Variants in DDAH1 observed in about 807,000 individuals in gnomAD.
The protein encoded by DDAH1 is dimethylarginine dimethylaminohydrolase 1, also known as N(G),N(G)-dimethylarginine dimethylaminohydrolase 1.
DDAH1 carries 19 observed loss-of-function variants against 28.8 expected under a neutral mutation model. The observed-to-expected ratio is 0.66, with a 90% CI of 0.46 to 0.97. The LOEUF is 0.97. DDAH1 is among the 50% of genes least tolerant of loss of function. The pLI, the probability that DDAH1 is intolerant of heterozygous loss-of-function variation, is 0.00. For synonymous variants in DDAH1, 153 were observed against 154.4 expected, an observed-to-expected ratio of 0.99 and a Z score of 0.07; for missense variants, 326 against 375.9, an observed-to-expected ratio of 0.87 and a Z score of 1.10.
rs527785259 is a variant in DDAH1 at position 85,529,477 on chromosome 1, T to C, written c.-122-33196A>G. ...CAGACTGTTCTAATAAGAATGACCCTTTGAGAATCTCCTTTTTGGACTGGC... is the reference window on the plus strand; with the variant it reads ...CAGACTGTTCTAATAAGAATGACCCCTTGAGAATCTCCTTTTTGGACTGGC... On this transcript the variant is annotated intron_variant, in intron 1 of 6. Transcript: ENST00000426972. Among the ~76,000 whole-genome samples the C allele has an allele frequency of 4.6e-5, 7 of 151,602 alleles. No homozygotes were observed. The South Asian group carries it at 1.5e-3, about 32-fold the overall frequency.
At chr1:85,526,655 G>C (rs1425156152) in intron 1 of DDAH1, among the ~76,000 whole-genome samples, 1 of 148,256 alleles carries the variant, frequency 6.7e-6, no homozygotes, top group Non-Finnish European at 1.5e-5. Flanking sequence ...TGGGAAGAAG[G>C]GGGTAAAGAG....
intron 1 of DDAH1, among the ~76,000 whole-genome samples, chr1:85,388,912 T>A (rs1651409035): frequency 6.6e-6 from 1 of 152,232 alleles, no homozygotes; most frequent in Non-Finnish European, 1.5e-5. Context: ...TAAGAGGCTA[T>A]GTAGCAAAAT....
chr1:85,558,501 A>C (rs186902668), intron 1 of DDAH1, among the ~76,000 whole-genome samples: 52 of 152,354 alleles, frequency 3.4e-4, no homozygotes, highest in South Asian at 3.3e-3. Flanking sequence ...GATGGCCCAG[A>C]CAACTCCATT....
At chr1:85,469,007 C>T (rs574192863), upstream of DDAH1, among the ~76,000 whole-genome samples, 2 of 152,156 alleles carry the variant, frequency 1.3e-5, no homozygotes, top group Admixed American at 6.5e-5. Flanking sequence ...TATCACTCAC[C>T]TTCCTCAAAC....
intron 1 of DDAH1, among the ~76,000 whole-genome samples, chr1:85,389,783 G>C (rs1310743345): frequency 6.6e-6 from 1 of 152,202 alleles, no homozygotes; most frequent in Non-Finnish European, 1.5e-5. Context: ...TTCTAGTTGG[G>C]AGTTGGAATT....
chr1:85,548,265 T>C (rs1000727538), intron 1 of DDAH1, among the ~76,000 whole-genome samples: 3 of 152,182 alleles, frequency 2.0e-5, no homozygotes, highest in Non-Finnish European at 4.4e-5. Context: ...TTTGTTTAAC[T>C]CTCATTAGCA....
rs7552549 is a variant in DDAH1, at chr1:85,502,549, C to A, written c.-122-6268G>T. 4.6e-5 allele frequency among the ~76,000 whole-genome samples: 7 copies of A among 152,190 alleles called. No homozygotes were observed. In the East Asian group the frequency reaches 1.2e-3, roughly 25 times the overall value. On this transcript the variant is annotated intron_variant, in intron 1 of 6. Transcript: ENST00000426972. Reference sequence around the variant, plus strand: ...CCCTTGCTTGTCACTGCCATCATTGCCCCCTTCTCAGATCCCTCTGGCTTC... The same window carrying A: ...CCCTTGCTTGTCACTGCCATCATTGACCCCTTCTCAGATCCCTCTGGCTTC...
intron 1 of DDAH1, among the ~76,000 whole-genome samples, chr1:85,556,084 C>CTCCTCCTCCTTA (rs1658956821): frequency 1.1e-5 from 1 of 88,528 alleles, no homozygotes; most frequent in Non-Finnish European, 2.7e-5. Flanking sequence ...CCGCCGCCTC[C>CTCCTCCTCCTTA]TCCTCCTCCT....
At chr1:85,357,655 C>G (rs764670255) in intron 2 of DDAH1, among the ~76,000 whole-genome samples, 4 of 152,188 alleles carry the variant, frequency 2.6e-5, no homozygotes, top group Non-Finnish European at 5.9e-5. Context: ...ATTCCCAAGT[C>G]CCTGAGGACC....
At chr1:85,513,448 C>G (rs930017072) in intron 1 of DDAH1, among the ~76,000 whole-genome samples, 14 of 152,142 alleles carry the variant, frequency 9.2e-5, no homozygotes, top group African/African-American at 3.4e-4. Context: ...TGGGCAAAGA[C>G]TTCATGACTA....
chr1:85,466,811 TA>T (rs1655397544), upstream of DDAH1, among the ~76,000 whole-genome samples: 1 of 150,124 alleles, frequency 6.7e-6, no homozygotes, highest in African/African-American at 2.4e-5. Flanking sequence ...TATTTATTTT[TA>T]AATTAGTTCA....
chr1:85,471,990 T>C (rs1421004369), intron 2 of DDAH1, among the ~76,000 whole-genome samples: 1 of 152,142 alleles, frequency 6.6e-6, no homozygotes, highest in East Asian at 1.9e-4. Context: ...TGTCCCTCAG[T>C]CCCATGCCCC....
intron 1 of DDAH1, among the ~76,000 whole-genome samples, chr1:85,368,622 C>CG (rs1650207565): frequency 1.3e-5 from 2 of 152,234 alleles, no homozygotes; most frequent in South Asian, 2.1e-4. Context: ...AAGCCACTGA[C>CG]GTTCTGTCTG....
In DDAH1 at chr1:85,388,862, G is replaced by A. The variant is rs182509744; in HGVS notation, c.304-30015C>T. Among the ~76,000 whole-genome samples the A allele has an allele frequency of 3.8e-3, 574 of 152,238 alleles. 1 individual carries two copies. The highest frequency in any genetic ancestry group is 0.012 in the African/African-American group (511 of 41,544). On this transcript the variant is annotated intron_variant, in intron 1 of 5. Transcript: ENST00000284031. ...ACTGACAGTCTGTTTAAAGTTCACC[G>A]GCCCAGGATTCACTTAAAGGAATTC...
intron 1 of DDAH1, among the ~76,000 whole-genome samples, chr1:85,454,117 T>C (rs1234929954): frequency 1.3e-5 from 2 of 152,014 alleles, no homozygotes; most frequent in African/African-American, 4.8e-5. Flanking sequence ...GCCACCAAAT[T>C]TTCCCCTCCC....
At chr1:85,577,999 C>T (rs1659659758) in exon 1 of DDAH1, 3 of 985,472 alleles carry the variant, frequency 3.0e-6, no homozygotes, top group Non-Finnish European at 2.4e-6. Flanking sequence ...AACATTTGCA[C>T]ATTTCGCCTC....
chr1:85,414,619 GT>G lies in DDAH1; in HGVS notation c.303+50123del, dbSNP rs1400879848. Among the ~76,000 whole-genome samples the G allele has an allele frequency of 3.3e-5, 5 of 152,296 alleles. No homozygotes were observed. In the South Asian group the frequency reaches 8.3e-4, roughly 25 times the overall value. On this transcript the variant is annotated intron_variant, in intron 1 of 5. Coordinates refer to ENST00000284031, the MANE Select transcript of DDAH1 (RefSeq NM_012137.4). ...TGGACAATTGATCGATAGGTACAGT[GT>G]TTCTCTTCCACTTTCTAAGAAATGG... is the stretch of plus-strand genomic sequence containing the variant.
chr1:85,393,413 A>C (rs1246131961), intron 1 of DDAH1, among the ~76,000 whole-genome samples: 1 of 152,246 alleles, frequency 6.6e-6, no homozygotes. Flanking sequence ...CCTATTCATT[A>C]GAGGGCTCTA....
intron 2 of DDAH1, among the ~76,000 whole-genome samples, chr1:85,353,115 A>G (rs1649310628): frequency 6.6e-6 from 1 of 152,176 alleles, no homozygotes; most frequent in African/African-American, 2.4e-5. Flanking sequence ...CTGCAGGATG[A>G]AACTTCATTC....
Sources: allele counts gnomAD v4.1 joint callset (sites outside exome capture counted in the v4.1 genomes callset), GRCh38; gene constraint gnomAD v4.1.1; transcripts MANE v1.5; gene names NCBI Gene and HGNC (gene_info 2026-07-23, HGNC 2026-07-21).